The following ABCA9 variants were observed in gnomAD, a reference collection of about 807,000 sequenced individuals.
The protein encoded by ABCA9 is ATP-binding cassette sub-family A member 9.
ABCA9 carries 183 observed loss-of-function variants against 205.3 expected under a neutral mutation model. The observed-to-expected ratio is 0.89, with a 90% confidence interval of 0.79 to 1.01. ABCA9 has a LOEUF of 1.01. Among genes scored for constraint, ABCA9 ranks in the 50% least tolerant of loss-of-function variants. The pLI, the probability that ABCA9 is intolerant of heterozygous loss-of-function variation, is 0.00. For synonymous variants in ABCA9, 651 were observed against 683.3 expected, an observed-to-expected ratio of 0.95 and a Z score of 0.74; for missense variants, 1,805 against 1,912.4, an observed-to-expected ratio of 0.94 and a Z score of 1.05.
intron 8 of ABCA9, among the ~76,000 whole-genome samples, chr17:69,034,272 A>G (rs1457844037): frequency 1.3e-5 from 2 of 152,152 alleles, no homozygotes; most frequent in Non-Finnish European, 2.9e-5. Context: ...CCCAGGCTGG[A>G]GTACAGTGGT....
At chr17:69,052,420 GA>G (rs914696195) in intron 1 of ABCA9, among the ~76,000 whole-genome samples, 1 of 151,874 alleles carries the variant, frequency 6.6e-6, no homozygotes, top group African/African-American at 2.4e-5. Context: ...AGGTAAAAAA[GA>G]AAAAACAGTA....
chr17:69,008,205 C>T lies in ABCA9; in HGVS notation c.3178G>A (p.Gly1060Ser), dbSNP rs2070225998. ...KKAHSQLRIS[G>S]LYPSAYWFGQ... Reference sequence around the variant, plus strand: ...AACCAGTATGCAGAAGGGTAGAGGCCTGAAATCCGTAGCTGGGAATGAGCT... The same window carrying T: ...AACCAGTATGCAGAAGGGTAGAGGCTTGAAATCCGTAGCTGGGAATGAGCT... The change falls in exon 24 of 39, where the codon GGC (glycine) becomes AGC (serine). Residue 1060 changes from glycine to serine, a missense_variant. By Grantham distance (56) the Gly-to-Ser change is moderately conservative. Transcript: ENST00000340001. 2.5e-6 allele frequency: 4 copies of T among 1,613,452 alleles called. No individual in the cohort carries two copies. Among genetic ancestry groups the T allele is most frequent in the Non-Finnish European group, 3.4e-6 (4 of 1,179,876 alleles).
At chr17:69,029,269 G>T (rs764839991) in intron 10 of ABCA9, 42 bp from the exon 11 acceptor site, 7 of 1,293,976 alleles carry the variant, frequency 5.4e-6, no homozygotes, top group Non-Finnish European at 7.6e-6. Flanking sequence ...TTGTAAAAAT[G>T]TGCAGAGGAT....
intron 2 of ABCA9, 83 bp from the exon 3 acceptor site, chr17:69,049,573 T>A (rs2071835179): frequency 9.0e-7 from 1 of 1,115,992 alleles, no homozygotes; most frequent in African/African-American, 1.6e-5. Context: ...TTGAAATACT[T>A]AATTCTGTTA....
intron 37 of ABCA9, among the ~76,000 whole-genome samples, chr17:68,982,251 G>A (rs1269739763): frequency 6.6e-6 from 1 of 152,130 alleles, no homozygotes; most frequent in Non-Finnish European, 1.5e-5. Flanking sequence ...CAGCACTAAT[G>A]ACGTTTTGAC....
intron 22 of ABCA9, among the ~76,000 whole-genome samples, chr17:69,015,189 A>G (rs1311674678): frequency 1.3e-5 from 2 of 152,162 alleles, no homozygotes; most frequent in Non-Finnish European, 2.9e-5. Context: ...GAAATGGAAG[A>G]GCAAATCACA....
chr17:68,978,973 A>G (rs534240093), intron 37 of ABCA9, among the ~76,000 whole-genome samples: 147 of 152,156 alleles, frequency 9.7e-4, no homozygotes, highest in Admixed American at 2.4e-3. Context: ...AGGGTATTCA[A>G]TTAGGAAAAG....
chr17:69,020,953 C>T (rs1199309139), intron 18 of ABCA9: 1 of 166,806 alleles, frequency 6.0e-6, no homozygotes, highest in East Asian at 1.7e-4. Context: ...AGAAACCCCT[C>T]CTCTACCCTT....
intron 3 of ABCA9, among the ~76,000 whole-genome samples, chr17:69,047,818 G>A (rs1202512060): frequency 2.6e-5 from 4 of 152,138 alleles, no homozygotes; most frequent in Non-Finnish European, 5.9e-5. Context: ...TCACGCCACT[G>A]GCTAGCCACC....
chr17:69,015,613 A>ATAATT (rs60466781), intron 22 of ABCA9, among the ~76,000 whole-genome samples: 2,120 of 152,312 alleles, frequency 0.014, 38 homozygotes, highest in African/African-American at 0.046. Flanking sequence ...AATGAGAAAT[A>ATAATT]TAATTTACTG....
At chr17:69,006,080 C>T (rs574888034) in intron 25 of ABCA9, among the ~76,000 whole-genome samples, 14 of 152,100 alleles carry the variant, frequency 9.2e-5, no homozygotes, top group Non-Finnish European at 1.5e-4. Flanking sequence ...GTCTGGAAGT[C>T]ATTGTCTTTT....
At chr17:69,055,795 A>G (rs1004402183) in intron 1 of ABCA9, among the ~76,000 whole-genome samples, 18 of 152,312 alleles carry the variant, frequency 1.2e-4, no homozygotes, top group Non-Finnish European at 2.4e-4. Context: ...ATTTAAAGGA[A>G]TAGAAATCAT....
Position 69,020,916 on chromosome 17 carries a change from G to A in ABCA9, c.2402-330C>T, listed in dbSNP as rs1226793309. ...AAAAGATAAACCACTTAGTATTTCT[G>A]ACCAAGGTAGGAGAGTTAGTATATA... On this transcript the variant is annotated intron_variant, in intron 18 of 38. Transcript: ENST00000340001. The A allele has an allele frequency of 1.8e-5, 4 of 216,222 alleles. No homozygotes were observed. In the South Asian group the frequency reaches 2.3e-4, roughly 12 times the overall value. The allele number at this position is 216,222 out of a possible 1,614,324, so 13.4% of individuals were successfully genotyped here. A position where few individuals can be genotyped will look rare whatever the true frequency, so the allele number is the denominator to read the frequency against.
intron 25 of ABCA9, among the ~76,000 whole-genome samples, chr17:69,005,147 T>G (rs1193478712): frequency 6.6e-6 from 1 of 152,156 alleles, no homozygotes; most frequent in African/African-American, 2.4e-5. Context: ...GGCTCGTCCC[T>G]CCTGGCTTAT....
intron 25 of ABCA9, 112 bp from the exon 26 acceptor site, chr17:68,996,126 C>T: frequency 9.1e-7 from 1 of 1,093,852 alleles, no homozygotes; most frequent in Non-Finnish European, 1.3e-6. Flanking sequence ...AATTTCACTC[C>T]CCAAACCAGT....
At chr17:69,063,385 A>T (rs2072302874), upstream of ABCA9, among the ~76,000 whole-genome samples, 1 of 152,214 alleles carries the variant, frequency 6.6e-6, no homozygotes, top group South Asian at 2.1e-4. Flanking sequence ...ACCTGTGTGC[A>T]GCCCTTCTCA....
At chr17:69,060,809 T>C (rs1598424540) in intron 1 of ABCA9, 57 bp downstream of exon 1, 2 of 958,276 alleles carry the variant, frequency 2.1e-6, no homozygotes, top group South Asian at 4.8e-5. Flanking sequence ...TGCCTATTTA[T>C]AGTCTTATGT....
At chr17:68,999,260 A>C in intron 25 of ABCA9, among the ~76,000 whole-genome samples, 1 of 129,210 alleles carries the variant, frequency 7.7e-6, no homozygotes, top group Non-Finnish European at 1.6e-5. Context: ...ATATCTCCCA[A>C]TGCTATCCCT....
Position 69,026,415 on chromosome 17 carries a change from C to G in ABCA9, c.2103G>C (p.Leu701=). The change falls in exon 16 of 39, where the codon CTG becomes CTC. Residue 701 remains leucine (L), a synonymous_variant. Coordinates refer to ENST00000340001, the MANE Select transcript of ABCA9 (RefSeq NM_080283.4). ...NGKLKCAGSS[L]FLKKKWGIGY... is the part of the protein sequence containing the mutation. The stretch of plus-strand genomic sequence containing the variant: ...CTATGCCCCATTTCTTCTTAAGGAA[C>G]AGAGAAGAGCCTGCACACTTCAGCT... 1 of 1,613,880 alleles carries G rather than the reference C, an allele frequency of 6.2e-7. No individual in the cohort carries two copies. Among genetic ancestry groups the G allele is most frequent in the Non-Finnish European group, 8.5e-7 (1 of 1,179,824 alleles).
Sources: allele counts gnomAD v4.1 joint callset (sites outside exome capture counted in the v4.1 genomes callset), GRCh38; gene constraint gnomAD v4.1.1; transcripts MANE v1.5; gene names NCBI Gene and HGNC (gene_info 2026-07-23, HGNC 2026-07-21).